Variants in ZZZ3 observed in about 807,000 individuals in gnomAD.
ZZZ3 encodes the protein zinc finger ZZ-type containing 3.
A neutral mutation model predicts 95.2 loss-of-function variants in ZZZ3; 22 were observed. The ratio of observed to expected loss-of-function variants is 0.23; its 90% CI spans 0.17 to 0.33. The LOEUF (loss-of-function observed/expected upper bound fraction) is 0.33. Ranked by LOEUF, ZZZ3 falls within the 10% of genes least tolerant of loss-of-function variation. ZZZ3 has a pLI of 1.00. For missense variants in ZZZ3, 885 were observed against 1,066.5 expected, an observed-to-expected ratio of 0.83 and a Z score of 2.37; for synonymous variants, 335 against 358.9, an observed-to-expected ratio of 0.93 and a Z score of 0.75.
At chr1:77,576,758 A>T (rs981848258) in intron 11 of ZZZ3, among the ~76,000 whole-genome samples, 1 of 123,182 alleles carries the variant, frequency 8.1e-6, no homozygotes, top group African/African-American at 2.7e-5. Flanking sequence ...CACTCACACT[A>T]AAAAAAAAAA....
chr1:77,622,662 A>C (rs1224719138), intron 5 of ZZZ3, among the ~76,000 whole-genome samples: 1 of 152,208 alleles, frequency 6.6e-6, no homozygotes, highest in Non-Finnish European at 1.5e-5. Context: ...AAAAAGTTTC[A>C]TATCTTTTTG....
At chr1:77,568,508 T>C (rs1308326985) in intron 12 of ZZZ3, 42 bp from the exon 13 acceptor site, 5 of 1,035,180 alleles carry the variant, frequency 4.8e-6, no homozygotes, top group Non-Finnish European at 6.9e-6. Context: ...GTTTGGTAAT[T>C]AAAATGAATT....
intron 5 of ZZZ3, among the ~76,000 whole-genome samples, chr1:77,587,534 G>T (rs1188469779): frequency 6.6e-6 from 1 of 152,146 alleles, no homozygotes; most frequent in Non-Finnish European, 1.5e-5. Flanking sequence ...AAAGTGCTGG[G>T]ATTACAGGCG....
Position 77,665,809 on chromosome 1 carries a change from G to A in ZZZ3, c.-403+16776C>T, listed in dbSNP as rs148142392. ...TGTAATCCCAGCACTTTGGGAGGCC[G>A]AGGCGGGCGGATCACCTGACGTCAG... On this transcript the variant is annotated intron_variant, in intron 1 of 14. Coordinates refer to ENST00000370801, the MANE Select transcript of ZZZ3 (RefSeq NM_015534.6). Among the ~76,000 whole-genome samples the A allele has an allele frequency of 1.6e-3, 234 of 150,854 alleles. 2 individuals are homozygous for A. Among genetic ancestry groups the A allele is most frequent in the African/African-American group, 5.3e-3 (219 of 41,086 alleles).
At chr1:77,639,631 A>G (rs1668590660) in intron 3 of ZZZ3, 29 bp from the exon 4 acceptor site, 3 of 437,020 alleles carry the variant, frequency 6.9e-6, no homozygotes, top group Middle Eastern at 5.9e-4. Flanking sequence ...AAAAAAAAGG[A>G]TTAAAGAAGA....
At chr1:77,604,690 A>G (rs978135271) in intron 5 of ZZZ3, among the ~76,000 whole-genome samples, 3 of 152,202 alleles carry the variant, frequency 2.0e-5, no homozygotes, top group Non-Finnish European at 2.9e-5. Flanking sequence ...ACCTCAAAAT[A>G]TTTCAATAAG....
chr1:77,682,058 AAGC>A (rs970285445), intron 1 of ZZZ3, among the ~76,000 whole-genome samples: 4 of 152,180 alleles, frequency 2.6e-5, no homozygotes, highest in African/African-American at 9.7e-5. Context: ...AAATGATGAA[AAGC>A]AGGATTTTAT....
At chr1:77,664,911 A>G (rs1329905303) in intron 1 of ZZZ3, among the ~76,000 whole-genome samples, 1 of 152,216 alleles carries the variant, frequency 6.6e-6, no homozygotes, top group African/African-American at 2.4e-5. Flanking sequence ...TAGGAAAACA[A>G]TCTCCAAAAC....
At chr1:77,655,017 C>A (rs142773286) in intron 1 of ZZZ3, among the ~76,000 whole-genome samples, 1 of 152,090 alleles carries the variant, frequency 6.6e-6, no homozygotes, top group Non-Finnish European at 1.5e-5. Flanking sequence ...CTGGTGAGAG[C>A]CTTCTTGCTC....
upstream of ZZZ3, among the ~76,000 whole-genome samples, chr1:77,683,073 C>A (rs1473106459): frequency 4.2e-5 from 5 of 118,514 alleles, no homozygotes; most frequent in Non-Finnish European, 8.7e-5. Context: ...CGCGCACCCC[C>A]GCCCCACGTG....
At position 77,582,146 on chromosome 1, in the gene ZZZ3, A is replaced by C; in HGVS notation, c.1645-20T>G. On this transcript the variant is annotated intron_variant, in intron 6 of 14. Coordinates refer to ENST00000370801, the MANE Select transcript of ZZZ3 (RefSeq NM_015534.6). ...ATCAGCCTGGAGGCAGGGGAGAAAA[A>C]ACAAAATAAAGTAAAAGTCTAAATT... The C allele has an allele frequency of 1.9e-6, 3 of 1,572,782 alleles. No homozygotes were observed. The highest frequency in any genetic ancestry group is 1.7e-6 in the Non-Finnish European group (2 of 1,166,996).
At chr1:77,617,382 A>C (rs1666417041) in intron 5 of ZZZ3, among the ~76,000 whole-genome samples, 1 of 152,178 alleles carries the variant, frequency 6.6e-6, no homozygotes, top group Non-Finnish European at 1.5e-5. Context: ...ATATAAATAG[A>C]AACATATATG....
intron 1 of ZZZ3, among the ~76,000 whole-genome samples, chr1:77,666,028 G>A (rs373370647): frequency 3.9e-5 from 6 of 152,284 alleles, no homozygotes; most frequent in African/African-American, 9.6e-5. Flanking sequence ...GAGAGACAGC[G>A]AGACTCCATC....
rs1457878527 is a variant in ZZZ3 at position 77,633,367 on chromosome 1, C to T, written c.-13G>A. ...GGGAAGCAGCCATACTATGGCAAGT[C>T]CCTACAATACGGTCATCATGATCCA... is the stretch of plus-strand genomic sequence containing the variant. On this transcript the variant is annotated 5_prime_UTR_variant, in exon 5 of 15. Coordinates refer to ENST00000370801, the MANE Select transcript of ZZZ3 (RefSeq NM_015534.6). 1.3e-6 allele frequency: 2 copies of T among 1,570,208 alleles called. No individual in the cohort carries two copies. The highest frequency in any genetic ancestry group is 1.7e-6 in the Non-Finnish European group (2 of 1,160,674).
intron 5 of ZZZ3, among the ~76,000 whole-genome samples, chr1:77,613,543 G>T (rs1470070007): frequency 6.6e-6 from 1 of 151,588 alleles, no homozygotes; most frequent in African/African-American, 2.4e-5. Context: ...ATGTTTATAT[G>T]GTAGGTAGAG....
At chr1:77,634,532 A>T (rs1037890290) in intron 4 of ZZZ3, among the ~76,000 whole-genome samples, 2 of 152,212 alleles carry the variant, frequency 1.3e-5, no homozygotes, top group African/African-American at 2.4e-5. Context: ...TCCAAAGACC[A>T]GAAAAGAAAA....
At chr1:77,637,079 G>C (rs1278767161) in intron 4 of ZZZ3, among the ~76,000 whole-genome samples, 2 of 152,162 alleles carry the variant, frequency 1.3e-5, no homozygotes, top group African/African-American at 4.8e-5. Context: ...ACCTACCAAC[G>C]AATTAGGCTC....
intron 1 of ZZZ3, among the ~76,000 whole-genome samples, chr1:77,680,232 T>G (rs1220036715): frequency 2.6e-5 from 4 of 152,250 alleles, no homozygotes; most frequent in Admixed American, 2.6e-4. Context: ...CTAGCAATTC[T>G]GTGAATAGAC....
At chr1:77,599,175 T>C (rs892894632) in intron 5 of ZZZ3, among the ~76,000 whole-genome samples, 12 of 152,094 alleles carry the variant, frequency 7.9e-5, no homozygotes, top group Non-Finnish European at 1.3e-4. Flanking sequence ...TATGAGCATC[T>C]GGTAAAGGCT....
Sources: allele counts gnomAD v4.1 joint callset (sites outside exome capture counted in the v4.1 genomes callset), GRCh38; gene constraint gnomAD v4.1.1; transcripts MANE v1.5; gene names NCBI Gene and HGNC (gene_info 2026-07-23, HGNC 2026-07-21).